The following GALNTL6 variants were observed in gnomAD, a reference collection of about 807,000 sequenced individuals.
The protein encoded by GALNTL6 is polypeptide N-acetylgalactosaminyltransferase like 6, also known as polypeptide N-acetylgalactosaminyltransferase-like 6.
In GALNTL6, 46 loss-of-function variants were observed where a neutral mutation model predicts 73.7. That is an observed-to-expected ratio of 0.62 (90% CI 0.49 to 0.80). GALNTL6 has a LOEUF of 0.80. Ranked by LOEUF, GALNTL6 falls within the 30% of genes least tolerant of loss-of-function variation. The pLI, the probability that GALNTL6 is intolerant of heterozygous loss-of-function variation, is 0.00. For missense variants in GALNTL6, 604 were observed against 755.0 expected (o/e 0.80, Z 2.34); for synonymous variants, 259 against 263.7 (o/e 0.98, Z 0.17).
intron 5 of GALNTL6, among the ~76,000 whole-genome samples, chr4:172,691,164 T>C (rs900425660): frequency 6.6e-6 from 1 of 152,090 alleles, no homozygotes; most frequent in Admixed American, 6.6e-5. Context: ...GGGTAGAGGA[T>C]GGGTATTCCC....
At chr4:172,640,636 C>T (rs1739931303) in intron 5 of GALNTL6, among the ~76,000 whole-genome samples, 1 of 152,046 alleles carries the variant, frequency 6.6e-6, no homozygotes, top group Non-Finnish European at 1.5e-5. Flanking sequence ...GTGTGTGCAC[C>T]CTTGATGTCA....
chr4:172,849,077 G>A (rs148411838), intron 7 of GALNTL6, among the ~76,000 whole-genome samples: 25 of 152,084 alleles, frequency 1.6e-4, no homozygotes, highest in African/African-American at 5.3e-4. Flanking sequence ...AGGAAAAAAC[G>A]TTAACAAGTT....
At chr4:171,994,652 C>G (rs1361244801) in intron 2 of GALNTL6, among the ~76,000 whole-genome samples, 1 of 151,884 alleles carries the variant, frequency 6.6e-6, no homozygotes, top group Non-Finnish European at 1.5e-5. Flanking sequence ...CACCTGTACT[C>G]CCTAAACTAT....
intron 7 of GALNTL6, among the ~76,000 whole-genome samples, chr4:172,842,321 C>T (rs909894542): frequency 2.0e-5 from 3 of 152,142 alleles, no homozygotes; most frequent in Non-Finnish European, 4.4e-5. Context: ...GAATATGGCC[C>T]TCTGTCCATT....
chr4:173,033,700 G>T (rs897964145), intron 12 of GALNTL6, among the ~76,000 whole-genome samples: 2 of 152,182 alleles, frequency 1.3e-5, no homozygotes, highest in African/African-American at 2.4e-5. Flanking sequence ...AAAGGTTATT[G>T]TCAGAGATAA....
At chr4:172,355,033 A>C (rs1742102483) in intron 5 of GALNTL6, among the ~76,000 whole-genome samples, 1 of 152,060 alleles carries the variant, frequency 6.6e-6, no homozygotes, top group Admixed American at 6.6e-5. Flanking sequence ...TGTTTTAAGC[A>C]GGTGCTCATT....
intron 8 of GALNTL6, among the ~76,000 whole-genome samples, chr4:172,916,351 C>T (rs1747510337): frequency 6.6e-6 from 1 of 152,058 alleles, no homozygotes; most frequent in Non-Finnish European, 1.5e-5. Flanking sequence ...CAGGGATGCC[C>T]TCTCTCACCA....
intron 7 of GALNTL6, among the ~76,000 whole-genome samples, chr4:172,830,902 G>A (rs1742590194): frequency 6.6e-6 from 1 of 152,136 alleles, no homozygotes; most frequent in African/African-American, 2.4e-5. Context: ...GCGCACGCCT[G>A]TAATCCCAAC....
intron 2 of GALNTL6, among the ~76,000 whole-genome samples, chr4:171,924,401 C>T (rs1386084613): frequency 2.0e-5 from 3 of 152,030 alleles, no homozygotes; most frequent in East Asian, 3.9e-4. Flanking sequence ...TAGTTACAGG[C>T]AAAATGCAAA....
chr4:172,327,193 T>C (rs1428579304), intron 4 of GALNTL6, among the ~76,000 whole-genome samples: 1 of 152,136 alleles, frequency 6.6e-6, no homozygotes, highest in Non-Finnish European at 1.5e-5. Context: ...AATGGCCATG[T>C]AATTGCATGG....
At chr4:172,432,154 A>C (rs1464342892) in intron 5 of GALNTL6, among the ~76,000 whole-genome samples, 1 of 152,096 alleles carries the variant, frequency 6.6e-6, no homozygotes, top group Non-Finnish European at 1.5e-5. Context: ...AGTAGAAATT[A>C]AGCAGAAATG....
intron 2 of GALNTL6, among the ~76,000 whole-genome samples, chr4:171,895,251 G>A (rs562629821): frequency 4.6e-5 from 7 of 152,228 alleles, no homozygotes; most frequent in African/African-American, 7.2e-5. Context: ...TTATATTTGC[G>A]TTCACTCTTT....
At chr4:172,040,542 A>G (rs915140319) in intron 2 of GALNTL6, among the ~76,000 whole-genome samples, 4 of 152,082 alleles carry the variant, frequency 2.6e-5, no homozygotes, top group Non-Finnish European at 4.4e-5. Context: ...TTACTGGTTC[A>G]ATTTCTACCA....
intron 2 of GALNTL6, among the ~76,000 whole-genome samples, chr4:172,191,819 T>G (rs1735597597): frequency 6.6e-6 from 1 of 152,160 alleles, no homozygotes; most frequent in Admixed American, 6.5e-5. Flanking sequence ...TGGAATTCAT[T>G]TTTTCACTTA....
rs117760353 is a variant in GALNTL6 at position 172,950,938 on chromosome 4, C to G, written c.1150-1099C>G. ...GAAAATGTACTGCAGCACATTTAAGCTGGAGGCATCAAAACTGGTATCTTC... is the reference window on the plus strand; with the variant it reads ...GAAAATGTACTGCAGCACATTTAAGGTGGAGGCATCAAAACTGGTATCTTC... On this transcript the variant is annotated intron_variant, in intron 9 of 12. Coordinates refer to ENST00000506823, the MANE Select transcript of GALNTL6 (RefSeq NM_001034845.3). 5.1e-3 allele frequency among the ~76,000 whole-genome samples: 774 copies of G among 152,280 alleles called. 12 individuals are homozygous for G. Among genetic ancestry groups the G allele is most frequent in the East Asian group, 0.029 (148 of 5,174 alleles).
At chr4:173,002,612 G>A (rs1270483863) in intron 10 of GALNTL6, among the ~76,000 whole-genome samples, 1 of 151,232 alleles carries the variant, frequency 6.6e-6, no homozygotes, top group Non-Finnish European at 1.5e-5. Flanking sequence ...GGCTAATAAG[G>A]TGAAACCCTG....
chr4:172,658,252 G>A (rs1731177873), intron 5 of GALNTL6, among the ~76,000 whole-genome samples: 1 of 148,994 alleles, frequency 6.7e-6, no homozygotes, highest in Admixed American at 6.7e-5. Context: ...GGATCACGAA[G>A]TCAGGAGCTC....
intron 5 of GALNTL6, among the ~76,000 whole-genome samples, chr4:172,491,750 C>A (rs1318523120): frequency 1.3e-5 from 2 of 152,040 alleles, no homozygotes; most frequent in African/African-American, 2.4e-5. Flanking sequence ...AAAATTATCT[C>A]TTTTTTATTT....
chr4:172,809,993 A>C lies in GALNTL6; in HGVS notation c.739+447A>C, dbSNP rs574317070. 2.0e-4 allele frequency among the ~76,000 whole-genome samples: 31 copies of C among 152,120 alleles called. 1 individual carries two copies. The South Asian group carries it at 5.6e-3, about 27-fold the overall frequency. On this transcript the variant is annotated intron_variant, in intron 6 of 12. Transcript: ENST00000506823. This position sits in a 1 kb window ranked among gnomAD's most constrained non-coding sequence, Gnocchi z 4.4. Reference sequence around the variant, plus strand: ...GGATTGTTAAGAAAAGAGGAAGGAAAATTATTCATCCCCAGAATACAGTTA... The same window carrying C: ...GGATTGTTAAGAAAAGAGGAAGGAACATTATTCATCCCCAGAATACAGTTA...
Sources: allele counts gnomAD v4.1 joint callset (sites outside exome capture counted in the v4.1 genomes callset), GRCh38; gene constraint gnomAD v4.1.1; non-coding constraint Gnocchi (gnomAD v3.1); transcripts MANE v1.5; gene names NCBI Gene and HGNC (gene_info 2026-07-23, HGNC 2026-07-21).